Variants in TSR3 observed in about 807,000 individuals in gnomAD.
The protein encoded by TSR3 is 18S rRNA aminocarboxypropyltransferase.
A neutral mutation model predicts 28.1 loss-of-function variants in TSR3; 31 were observed. That is an observed-to-expected ratio of 1.10 (90% CI 0.83 to 1.49). The LOEUF (loss-of-function observed/expected upper bound fraction) is 1.49. TSR3 is among the 40% of genes most tolerant of loss of function. The pLI is 0.00. For missense variants in TSR3, 511 were observed against 444.0 expected (o/e 1.15, Z -1.36); for synonymous variants, 219 against 197.2 (o/e 1.11, Z -0.93).
At position 1,349,409 on chromosome 16, in the gene TSR3, G is replaced by A. The variant is rs750004159; in HGVS notation, c.*28C>T. 1.5e-5 allele frequency: 25 copies of A among 1,613,072 alleles called. No individual in the cohort carries two copies. ...TGTCTCTAGATTTTCTCGTCACCCA[G>A]CCTCAAAAATATATGTGTCTGCAAC... On this transcript the variant is annotated 3_prime_UTR_variant, in exon 6 of 6. Transcript: ENST00000007390.
rs1458671783 is a variant in TSR3 at position 1,351,737 on chromosome 16, C to G, written c.68G>C (p.Arg23Pro). The G allele has an allele frequency of 7.3e-7, 1 of 1,368,448 alleles. No individual in the cohort carries two copies. Among genetic ancestry groups the G allele is most frequent in the Admixed American group, 3.7e-5 (1 of 26,946 alleles). The allele number at this position is 1,368,448 out of a possible 1,614,324, so 84.8% of individuals were successfully genotyped here. Residue 23 changes from arginine (R) to proline (P), a missense_variant, in exon 1 of 6, where the codon CGC becomes CCC. Coordinates refer to ENST00000007390, the MANE Select transcript of TSR3 (RefSeq NM_001001410.3). ...EGGRPRHLPTRSLEAFAEEVG... is the reference protein window; with the variant it reads ...EGGRPRHLPTPSLEAFAEEVG... ...CTCCTCGGCGAAGGCCTCCAGGGAG[C>G]GCGTCGGGAGGTGCCGAGGGCGGCC...
At position 1,349,888 on chromosome 16, in the gene TSR3, C is replaced by T; in HGVS notation, c.767+1G>A. The T allele has an allele frequency of 1.9e-6, 3 of 1,613,718 alleles. No homozygotes were observed. The highest frequency in any genetic ancestry group is 2.5e-6 in the Non-Finnish European group (3 of 1,180,000). On this transcript the variant is annotated splice_donor_variant, in intron 5 of 5. Coordinates refer to ENST00000007390, the MANE Select transcript of TSR3 (RefSeq NM_001001410.3). LOFTEE classifies it high-confidence loss of function. ...TCATGAAATTAAGCCCAAGGACCTA[C>T]CGGGTGCTGGCCACAGGCCTGTTGG...
Position 1,351,473 on chromosome 16 carries a change from G to C in TSR3, c.238C>G (p.Arg80Gly). ...PRRCTGRKLA[R>G]LGLVRCLRLG... ...CGCAGGCAGCGCACCAGCCCCAGGC[G>C]GGCCAGCTTGCGGCCCGTGCAGCGC... The change falls in exon 2 of 6, where the codon CGC (arginine) becomes GGC (glycine). Residue 80 changes from arginine to glycine, a missense_variant. Arg to Gly is a moderately radical substitution (Grantham distance 125). Coordinates refer to ENST00000007390, the MANE Select transcript of TSR3 (RefSeq NM_001001410.3). 2 of 1,583,576 alleles carry C rather than the reference G, an allele frequency of 1.3e-6. No individual in the cohort carries two copies. Among genetic ancestry groups the C allele is most frequent in the Non-Finnish European group, 1.7e-6 (2 of 1,173,240 alleles).
rs1187954874 is a variant in TSR3 at position 1,351,814 on chromosome 16, C to G, written c.-10G>C. ...CCCTCCTGCGGCCCATGGCGCGGAC[C>G]TGGGGTGCCGGGGACTCCCCACCCC... On this transcript the variant is annotated 5_prime_UTR_variant, in exon 1 of 6. Transcript: ENST00000007390. The G allele has an allele frequency of 1.5e-6, 2 of 1,313,596 alleles. No individual in the cohort carries two copies. The highest frequency in any genetic ancestry group is 6.4e-5 in the East Asian group (2 of 31,322). The allele number at this position is 1,313,596 out of a possible 1,614,324, so 81.4% of individuals were successfully genotyped here. A position where few individuals can be genotyped will look rare whatever the true frequency, so the allele number is the denominator to read the frequency against.
In TSR3 at chr16:1,349,384, T is replaced by C. The variant is rs73485682; in HGVS notation, c.*53A>G. The C allele has an allele frequency of 1.4e-3, 2,202 of 1,603,438 alleles. 26 individuals carry two copies. In the African/African-American group the frequency reaches 0.026, roughly 19 times the overall value. On this transcript the variant is annotated 3_prime_UTR_variant, in exon 6 of 6. Transcript: ENST00000007390. ...CTGCCAGGCCCATTTATGTCCCTCA[T>C]GTCTCTAGATTTTCTCGTCACCCAG...
rs547587708 is a variant in TSR3 at position 1,351,701 on chromosome 16, G to A, written c.104C>T (p.Ala35Val). 15 of 1,375,590 alleles carry A rather than the reference G, an allele frequency of 1.1e-5. No homozygotes were observed. The highest frequency in any genetic ancestry group is 1.6e-5 in the South Asian group (1 of 61,084). 85.2% of individuals were successfully genotyped at this position (1,375,590 alleles called of 1,614,324 possible). A position where few individuals can be genotyped will look rare whatever the true frequency, so the allele number is the denominator to read the frequency against. Residue 35 changes from alanine to valine, a missense_variant, in exon 1 of 6, where the codon GCG (alanine) becomes GTG (valine). Coordinates refer to ENST00000007390, the MANE Select transcript of TSR3 (RefSeq NM_001001410.3). ...LEAFAEEVGA[A>V]LQASVEPGAA... ...CATCACGCCTCGCTCACCCTGCAGCGCGGCGCCGACCTCCTCGGCGAAGGC... is the reference window on the plus strand; with the variant it reads ...CATCACGCCTCGCTCACCCTGCAGCACGGCGCCGACCTCCTCGGCGAAGGC...
Position 1,349,374 on chromosome 16 carries a change from A to G in TSR3, c.*63T>C. On this transcript the variant is annotated 3_prime_UTR_variant, in exon 6 of 6. Transcript: ENST00000007390. Reference sequence around the variant, plus strand: ...AGAGCCGAGGCTGCCAGGCCCATTTATGTCCCTCATGTCTCTAGATTTTCT... The same window carrying G: ...AGAGCCGAGGCTGCCAGGCCCATTTGTGTCCCTCATGTCTCTAGATTTTCT... The G allele has an allele frequency of 6.4e-7, 1 of 1,558,742 alleles. No individual in the cohort carries two copies. Among genetic ancestry groups the G allele is most frequent in the Non-Finnish European group, 8.8e-7 (1 of 1,130,836 alleles).
Position 1,349,318 on chromosome 16 carries a change from C to G in TSR3, c.*119G>C, listed in dbSNP as rs1402207502. 1 of 1,146,578 alleles carries G rather than the reference C, an allele frequency of 8.7e-7. No homozygotes were observed. The highest frequency in any genetic ancestry group is 1.3e-6 in the Non-Finnish European group (1 of 760,764). The allele number at this position is 1,146,578 out of a possible 1,614,324, so 71.0% of individuals were successfully genotyped here. Reference sequence around the variant, plus strand: ...GCTGTGCTGGAAGTGTGGGGAGAACCCGGACAGCTCAGTCCTGCCAGCAGC... The same window carrying G: ...GCTGTGCTGGAAGTGTGGGGAGAACGCGGACAGCTCAGTCCTGCCAGCAGC... On this transcript the variant is annotated 3_prime_UTR_variant, in exon 6 of 6. Coordinates refer to ENST00000007390, the MANE Select transcript of TSR3 (RefSeq NM_001001410.3).
At position 1,351,736 on chromosome 16, in the gene TSR3, G is replaced by A; in HGVS notation, c.69C>T (p.Arg23=). Residue 23 remains arginine (R), a synonymous_variant, in exon 1 of 6, where the codon CGC becomes CGT. Coordinates refer to ENST00000007390, the MANE Select transcript of TSR3 (RefSeq NM_001001410.3). ...CCTCCTCGGCGAAGGCCTCCAGGGA[G>A]CGCGTCGGGAGGTGCCGAGGGCGGC... is the stretch of plus-strand genomic sequence containing the variant. ...EGGRPRHLPT[R]SLEAFAEEVG... 2 of 1,369,522 alleles carry A rather than the reference G, an allele frequency of 1.5e-6. No individual in the cohort carries two copies. Among genetic ancestry groups the A allele is most frequent in the South Asian group, 3.4e-5 (2 of 59,638 alleles). 84.8% of individuals were successfully genotyped at this position (1,369,522 alleles called of 1,614,324 possible).
rs562951050 is a variant in TSR3, at chr16:1,350,662, G to A, written c.526+145C>T. 186 of 944,398 alleles carry A rather than the reference G, an allele frequency of 2.0e-4. 1 individual carries two copies. In the African/African-American group the frequency reaches 2.8e-3, roughly 14 times the overall value. The allele number at this position is 944,398 out of a possible 1,614,324, so 58.5% of individuals were successfully genotyped here. The stretch of plus-strand genomic sequence containing the variant: ...GGCCGAAAACCTGAAGTGACAGTTG[G>A]GGCTGGAACCGTGGTCTGTCTGAAC... On this transcript the variant is annotated intron_variant, in intron 3 of 5. Coordinates refer to ENST00000007390, the MANE Select transcript of TSR3 (RefSeq NM_001001410.3).
Position 1,351,558 on chromosome 16 carries a change from C to T in TSR3, c.153G>A (p.Pro51=). The T allele has an allele frequency of 6.8e-7, 1 of 1,476,188 alleles. No homozygotes were observed. Among genetic ancestry groups the T allele is most frequent in the Non-Finnish European group, 8.9e-7 (1 of 1,122,696 alleles). 91.4% of individuals were successfully genotyped at this position (1,476,188 alleles called of 1,614,324 possible). A position where few individuals can be genotyped will look rare whatever the true frequency, so the allele number is the denominator to read the frequency against. The part of the protein sequence containing the change: ...EPGAADGEGG[P]GPAALPCTLA... ...GCGTGCAGGGCAGCGCCGCCGGGCC[C>T]GGGCCGCCCTCGCCGTCAGCCGCCC... Residue 51 remains proline, a synonymous_variant, in exon 2 of 6, where the codon CCG becomes CCA. Transcript: ENST00000007390.
chr16:1,349,784 G>A, intron 5 of TSR3, 105 bp downstream of exon 5: 1 of 1,455,116 alleles, frequency 6.9e-7, no homozygotes, highest in Non-Finnish European at 9.5e-7. Flanking sequence ...AAGACCATCG[G>A]GGTGTTGTTT....
At chr16:1,350,268 T>C in intron 3 of TSR3, 34 bp from the exon 4 acceptor site, 1 of 1,559,220 alleles carries the variant, frequency 6.4e-7, no homozygotes, top group South Asian at 1.1e-5. Context: ...CCCAAAGAAG[T>C]CGACGGTCCC....
Position 1,349,308 on chromosome 16 carries a change from T to C in TSR3, c.*129A>G, listed in dbSNP as rs73485678. Reference sequence around the variant, plus strand: ...ACAGAGCACAGCTGTGCTGGAAGTGTGGGGAGAACCCGGACAGCTCAGTCC... The same window carrying C: ...ACAGAGCACAGCTGTGCTGGAAGTGCGGGGAGAACCCGGACAGCTCAGTCC... On this transcript the variant is annotated 3_prime_UTR_variant, in exon 6 of 6. Coordinates refer to ENST00000007390, the MANE Select transcript of TSR3 (RefSeq NM_001001410.3). 1.8e-3 allele frequency: 1,820 copies of C among 1,017,860 alleles called. 22 individuals carry two copies. The African/African-American group carries it at 0.026, about 14-fold the overall frequency. The allele number at this position is 1,017,860 out of a possible 1,614,324, so 63.1% of individuals were successfully genotyped here.
In TSR3 at chr16:1,351,461, C is replaced by T. The variant is rs749414011; in HGVS notation, c.250G>A (p.Val84Met). 3 of 1,590,528 alleles carry T rather than the reference C, an allele frequency of 1.9e-6. No individual in the cohort carries two copies. The South Asian group carries it at 3.3e-5, about 18-fold the overall frequency. Residue 84 changes from valine to methionine, a missense_variant, in exon 2 of 6, where the codon GTG becomes ATG. Val to Met is a conservative substitution (Grantham distance 21, BLOSUM62 1). Coordinates refer to ENST00000007390, the MANE Select transcript of TSR3 (RefSeq NM_001001410.3). ...TGRKLARLGL[V>M]RCLRLGHRFG... The stretch of plus-strand genomic sequence containing the variant: ...CTGTGGCCCAGGCGCAGGCAGCGCA[C>T]CAGCCCCAGGCGGGCCAGCTTGCGG...
At position 1,349,543 on chromosome 16, in the gene TSR3, C is replaced by T. The variant is rs776069690; in HGVS notation, c.833G>A (p.Gly278Glu). The stretch of plus-strand genomic sequence containing the variant: ...CTCTTCACAGCAGCTGCTGCTGGCT[C>T]CTCCGCGCTCGGCGCCAGGCCCTGG... ...EDPGPGAERG[G>E]ASSSCCEEEQ... Residue 278 changes from glycine (G) to glutamate (E), a missense_variant, in exon 6 of 6, where the codon GGA (glycine) becomes GAA (glutamate). Physicochemically the swap from Gly to Glu is moderately conservative, Grantham distance 98. Coordinates refer to ENST00000007390, the MANE Select transcript of TSR3 (RefSeq NM_001001410.3). The T allele has an allele frequency of 9.9e-6, 16 of 1,613,116 alleles. No individual in the cohort carries two copies. Among genetic ancestry groups the T allele is most frequent in the African/African-American group, 1.3e-5 (1 of 74,934 alleles).
At chr16:1,350,746 T>G (rs1039019995) in intron 3 of TSR3, 61 bp downstream of exon 3, 1 of 1,551,944 alleles carries the variant, frequency 6.4e-7, no homozygotes. Context: ...AACATGATGC[T>G]GGGAGCATAG....
intron 5 of TSR3, 83 bp downstream of exon 5, chr16:1,349,791 GTTTACAACACCACCC>G (rs1567177959): frequency 6.6e-7 from 1 of 1,504,478 alleles, no homozygotes; most frequent in Non-Finnish European, 9.2e-7. Flanking sequence ...TCGGGGTGTT[GTTTACAACACCACCC>G]CCAGGCAGCA....
In TSR3 at chr16:1,351,279, G is replaced by C. The variant is rs2034670284; in HGVS notation, c.332+100C>G. ...AGACAGACGTTCCCTGCCCACGTGG[G>C]TGTGGATGTGGGTGCGACATACAAG... On this transcript the variant is annotated intron_variant, in intron 2 of 5. Coordinates refer to ENST00000007390, the MANE Select transcript of TSR3 (RefSeq NM_001001410.3). 9.4e-6 allele frequency: 12 copies of C among 1,270,290 alleles called. 1 individual carries two copies. In the South Asian group the frequency reaches 1.8e-4, roughly 19 times the overall value. 78.7% of individuals were successfully genotyped at this position (1,270,290 alleles called of 1,614,324 possible). A position where few individuals can be genotyped will look rare whatever the true frequency, so the allele number is the denominator to read the frequency against.
Sources: gnomAD v4.1 joint callset for allele counts on GRCh38, gnomAD v4.1.1 for gene constraint, MANE v1.5 for transcripts, NCBI Gene and HGNC (gene_info 2026-07-23, HGNC 2026-07-21) for gene names.